The following CACNA2D2 variants were observed in gnomAD, a reference collection of about 807,000 sequenced individuals.
CACNA2D2 encodes calcium voltage-gated channel auxiliary subunit alpha2delta 2, also known as voltage-dependent calcium channel subunit alpha-2/delta-2.
A neutral mutation model predicts 166.4 loss-of-function variants in CACNA2D2; 48 were observed. The observed-to-expected ratio is 0.29, with a 90% confidence interval of 0.23 to 0.37. The LOEUF (loss-of-function observed/expected upper bound fraction) is 0.37. Ranked by LOEUF, CACNA2D2 falls within the 10% of genes least tolerant of loss-of-function variation. The probability of loss-of-function intolerance (pLI) is 1.00; values close to 1 mark genes in which losing one functional copy is unlikely to be tolerated. For synonymous variants in CACNA2D2, 561 were observed against 573.7 expected (o/e 0.98, Z 0.32); for missense variants, 1,122 against 1,433.0 (o/e 0.78, Z 3.50).
chr3:50,389,629 G>A (rs1479333412), intron 4 of CACNA2D2, among the ~76,000 whole-genome samples: 2 of 152,180 alleles, frequency 1.3e-5, no homozygotes, highest in East Asian at 1.9e-4. Flanking sequence ...GCGTTCACTG[G>A]GGCCACCTCT....
chr3:50,398,073 G>A (rs1422269655), intron 3 of CACNA2D2, among the ~76,000 whole-genome samples: 1 of 152,132 alleles, frequency 6.6e-6, no homozygotes, highest in East Asian at 1.9e-4. Flanking sequence ...TTTGGGGACA[G>A]GCTGGAAGGG....
intron 1 of CACNA2D2, among the ~76,000 whole-genome samples, chr3:50,496,954 C>T (rs1698749402): frequency 6.6e-6 from 1 of 152,210 alleles, no homozygotes; most frequent in African/African-American, 2.4e-5. Flanking sequence ...CCCACCTCTT[C>T]CCCTTTGTTG....
chr3:50,492,366 T>A (rs1392241240), intron 1 of CACNA2D2, among the ~76,000 whole-genome samples: 1 of 152,280 alleles, frequency 6.6e-6, no homozygotes, highest in Non-Finnish European at 1.5e-5. Flanking sequence ...AGACAGGACG[T>A]GGCCTGAATG....
chr3:50,411,366 T>G (rs182672635), intron 3 of CACNA2D2, among the ~76,000 whole-genome samples: 62 of 152,320 alleles, frequency 4.1e-4, no homozygotes, highest in African/African-American at 1.4e-3. Context: ...TGGTCTGCAC[T>G]TGGTGCTAGA....
intron 1 of CACNA2D2, among the ~76,000 whole-genome samples, chr3:50,492,262 A>C (rs1303610932): frequency 2.0e-5 from 3 of 152,248 alleles, no homozygotes; most frequent in Non-Finnish European, 2.9e-5. Context: ...CCCTCTGGCC[A>C]TCCTCTTAGC....
intron 3 of CACNA2D2, among the ~76,000 whole-genome samples, chr3:50,410,679 G>T (rs895594842): frequency 7.2e-5 from 11 of 152,228 alleles, no homozygotes; most frequent in African/African-American, 2.7e-4. Context: ...CTCCGCTGCA[G>T]GACTCCTCCA....
At chr3:50,475,893 G>A (rs956485602) in intron 2 of CACNA2D2, among the ~76,000 whole-genome samples, 23 of 152,124 alleles carry the variant, frequency 1.5e-4, no homozygotes, top group African/African-American at 4.6e-4. Context: ...CAGGGTCATC[G>A]TCCAAGCCGG....
In CACNA2D2 at chr3:50,375,741, C is replaced by G. The variant is rs759029881; in HGVS notation, c.1846-36G>C. 3.1e-6 allele frequency: 5 copies of G among 1,612,872 alleles called. No individual in the cohort carries two copies. Among genetic ancestry groups the G allele is most frequent in the Non-Finnish European group, 4.2e-6 (5 of 1,179,892 alleles). On this transcript the variant is annotated intron_variant, in intron 20 of 37. Transcript: ENST00000424201. This position sits in a 1 kb window ranked among gnomAD's most constrained non-coding sequence, Gnocchi z 4.0. ...AGGCTGGGTCAGGTACTTGGGCTAGCAGGCAGGGGGCGCTGGGGTAGAAGG... is the reference window on the plus strand; with the variant it reads ...AGGCTGGGTCAGGTACTTGGGCTAGGAGGCAGGGGGCGCTGGGGTAGAAGG...
intron 1 of CACNA2D2, among the ~76,000 whole-genome samples, chr3:50,481,341 A>AT (rs746932728): frequency 6.6e-6 from 1 of 152,134 alleles, no homozygotes; most frequent in Non-Finnish European, 1.5e-5. Flanking sequence ...ACACGGAGGC[A>AT]TTTTTTGTCA....
intron 1 of CACNA2D2, among the ~76,000 whole-genome samples, chr3:50,492,171 G>A (rs1446736020): frequency 3.3e-5 from 5 of 152,246 alleles, no homozygotes; most frequent in South Asian, 4.1e-4. Flanking sequence ...CCTTCCCCAC[G>A]GCCATGTCTA....
At chr3:50,449,266 C>T (rs1179896649) in intron 2 of CACNA2D2, among the ~76,000 whole-genome samples, 16 of 152,182 alleles carry the variant, frequency 1.1e-4, no homozygotes, top group Non-Finnish European at 2.9e-5. Context: ...GGACCTAGGA[C>T]CTCACCATGA....
intron 13 of CACNA2D2, 60 bp downstream of exon 13, chr3:50,378,855 A>G: frequency 6.3e-7 from 1 of 1,595,454 alleles, no homozygotes; most frequent in South Asian, 1.1e-5. Flanking sequence ...AGTTGAACAT[A>G]CGCAATCGAC....
At chr3:50,410,312 C>A (rs541966787) in intron 3 of CACNA2D2, among the ~76,000 whole-genome samples, 3 of 152,336 alleles carry the variant, frequency 2.0e-5, no homozygotes, top group Admixed American at 2.0e-4. Flanking sequence ...GACAGAAGTT[C>A]TGTTGTGAGC....
At chr3:50,487,513 T>C (rs1162038126) in intron 1 of CACNA2D2, among the ~76,000 whole-genome samples, 1 of 152,178 alleles carries the variant, frequency 6.6e-6, no homozygotes, top group Non-Finnish European at 1.5e-5. Flanking sequence ...CCAAGCTGTA[T>C]GTAAATGGAA....
rs183507293 is a variant in CACNA2D2 at position 50,424,343 on chromosome 3, C to A, written c.405+9970G>T. On this transcript the variant is annotated intron_variant, in intron 3 of 37. Coordinates refer to ENST00000424201, the MANE Select transcript of CACNA2D2 (RefSeq NM_006030.4). Reference sequence around the variant, plus strand: ...GGTCTCGGCTAGACCCCAGGGAGCCCCGTGTACCCCAGGGAGACTGGCCTC... The same window carrying A: ...GGTCTCGGCTAGACCCCAGGGAGCCACGTGTACCCCAGGGAGACTGGCCTC... Among the ~76,000 whole-genome samples, 1,065 of 152,260 alleles carry A rather than the reference C, an allele frequency of 7.0e-3. 8 individuals are homozygous for A. Among genetic ancestry groups the A allele is most frequent in the Non-Finnish European group, 0.011 (716 of 67,986 alleles).
At chr3:50,371,811 G>C (rs1704668864) in intron 22 of CACNA2D2, among the ~76,000 whole-genome samples, 1 of 152,128 alleles carries the variant, frequency 6.6e-6, no homozygotes, top group African/African-American at 2.4e-5. Flanking sequence ...GAGCAGGGAA[G>C]GAGACTATGC....
intron 1 of CACNA2D2, among the ~76,000 whole-genome samples, chr3:50,488,610 A>G: frequency 1.0e-5 from 1 of 99,690 alleles, no homozygotes; most frequent in African/African-American, 4.0e-5. Flanking sequence ...GCTCCATGGG[A>G]GCTCCCGCCT....
rs988588096 is a variant in CACNA2D2 at position 50,376,916 on chromosome 3, T to C, written c.1626+551A>G. 2.0e-5 allele frequency among the ~76,000 whole-genome samples: 3 copies of C among 152,188 alleles called. No individual in the cohort carries two copies. The highest frequency in any genetic ancestry group is 7.2e-5 in the African/African-American group (3 of 41,464). Reference sequence around the variant, plus strand: ...ATGATTGTTTTTCACCTTTGGGCCCTTGGCCAGAGAATTCCCTCTGCCTCC... The same window carrying C: ...ATGATTGTTTTTCACCTTTGGGCCCCTGGCCAGAGAATTCCCTCTGCCTCC... On this transcript the variant is annotated intron_variant, in intron 17 of 37. Coordinates refer to ENST00000424201, the MANE Select transcript of CACNA2D2 (RefSeq NM_006030.4). The surrounding 1 kb of genome is among the most constrained non-coding windows in gnomAD (Gnocchi z 4.3).
chr3:50,503,135 C>G, intron 1 of CACNA2D2, 83 bp downstream of exon 1: 1 of 779,442 alleles, frequency 1.3e-6, no homozygotes, highest in Non-Finnish European at 1.7e-6. Context: ...TGGCGCGGAG[C>G]GCAGGGAAGG....
Sources: allele counts gnomAD v4.1 joint callset (sites outside exome capture counted in the v4.1 genomes callset), GRCh38; gene constraint gnomAD v4.1.1; non-coding constraint Gnocchi (gnomAD v3.1); transcripts MANE v1.5; gene names NCBI Gene and HGNC (gene_info 2026-07-23, HGNC 2026-07-21).